The following DIXDC1 variants were observed in gnomAD, a reference collection of about 807,000 sequenced individuals.
The protein encoded by DIXDC1 is dixin.
DIXDC1 carries 64 observed loss-of-function variants against 103.1 expected under a neutral mutation model. The ratio of observed to expected loss-of-function variants is 0.62; its 90% CI spans 0.51 to 0.76. The LOEUF (loss-of-function observed/expected upper bound fraction) is 0.76, where lower values mean the gene tolerates loss of function less well. Ranked by LOEUF, DIXDC1 falls within the 30% of genes least tolerant of loss-of-function variation. The probability of loss-of-function intolerance (pLI) is 0.00; values close to 1 mark genes in which losing one functional copy is unlikely to be tolerated. For synonymous variants in DIXDC1, 266 were observed against 298.5 expected (o/e 0.89, Z 1.12); for missense variants, 759 against 834.2 (o/e 0.91, Z 1.11).
intron 5 of DIXDC1, among the ~76,000 whole-genome samples, chr11:111,980,157 G>A (rs1034559496): frequency 3.3e-5 from 5 of 151,890 alleles, no homozygotes; most frequent in Admixed American, 2.0e-4. Flanking sequence ...ATATATAACC[G>A]CTCCTCTGCC....
chr11:111,993,821 G>A (rs1365036139), intron 14 of DIXDC1, 81 bp downstream of exon 14: 20 of 1,503,646 alleles, frequency 1.3e-5, no homozygotes, highest in Middle Eastern at 1.9e-4. Flanking sequence ...GCTGAACCAA[G>A]GCCACAGGCT....
chr11:111,992,329 A>T (rs1232757496), intron 10 of DIXDC1, 86 bp from the exon 11 acceptor site: 2 of 1,213,848 alleles, frequency 1.6e-6, no homozygotes, highest in Non-Finnish European at 2.3e-6. Context: ...AATGCTGGAA[A>T]CACATTAAAG....
intron 1 of DIXDC1, among the ~76,000 whole-genome samples, chr11:111,948,081 C>G (rs1235577648): frequency 3.3e-5 from 5 of 152,192 alleles, no homozygotes; most frequent in African/African-American, 9.6e-5. Flanking sequence ...GTCTCTAACA[C>G]TCTCTAGACA....
chr11:111,954,337 G>A (rs587747958), intron 1 of DIXDC1, among the ~76,000 whole-genome samples: 244 of 152,206 alleles, frequency 1.6e-3, no homozygotes, highest in African/African-American at 5.5e-3. Context: ...TAATCCCACC[G>A]CTGATCTGAA....
intron 17 of DIXDC1, among the ~76,000 whole-genome samples, chr11:111,997,397 G>A (rs1016252700): frequency 3.3e-5 from 5 of 151,964 alleles, no homozygotes; most frequent in East Asian, 1.9e-4. Flanking sequence ...GTGCAGTGGC[G>A]CAATCTCTGT....
chr11:112,019,073 C>A lies in DIXDC1; in HGVS notation c.*37C>A. 1 of 1,555,638 alleles carries A rather than the reference C, an allele frequency of 6.4e-7. No individual in the cohort carries two copies. The highest frequency in any genetic ancestry group is 8.8e-7 in the Non-Finnish European group (1 of 1,132,570). On this transcript the variant is annotated 3_prime_UTR_variant, in exon 20 of 20. Transcript: ENST00000440460. ...AGATTGAGGGCTTATGGAACCTGGT[C>A]ACTCCCTGGCTGCTTCACTCAGGAA... is the stretch of plus-strand genomic sequence containing the variant.
intron 2 of DIXDC1, among the ~76,000 whole-genome samples, chr11:111,966,624 C>T (rs1555171582): frequency 1.3e-5 from 2 of 151,998 alleles, no homozygotes; most frequent in African/African-American, 2.4e-5. Flanking sequence ...AGGATGGTCT[C>T]GATCTCTTGA....
intron 19 of DIXDC1, among the ~76,000 whole-genome samples, chr11:112,018,455 TAGAG>T (rs1449490951): frequency 6.6e-6 from 1 of 152,218 alleles, no homozygotes; most frequent in Non-Finnish European, 1.5e-5. Flanking sequence ...AAAGTTATTA[TAGAG>T]AAAGTAAAAT....
intron 16 of DIXDC1, 24 bp downstream of exon 16, chr11:111,995,588 C>T (rs782447615): frequency 1.6e-5 from 26 of 1,610,032 alleles, no homozygotes; most frequent in Non-Finnish European, 2.2e-5. Context: ...TGTGGTATCT[C>T]TCTTAGGCAA....
intron 14 of DIXDC1, 148 bp from the exon 15 acceptor site, chr11:111,994,871 A>G (rs1438685789): frequency 2.6e-6 from 2 of 757,150 alleles, no homozygotes; most frequent in African/African-American, 3.5e-5. Context: ...ATCTATACTT[A>G]AGAAAGATAC....
upstream of DIXDC1, among the ~76,000 whole-genome samples, chr11:111,935,395 C>G (rs78678559): frequency 0.042 from 6,367 of 152,324 alleles, 436 homozygotes; most frequent in African/African-American, 0.14. Flanking sequence ...ACTGAGCTCA[C>G]AGATCCTACT....
At chr11:111,973,324 A>T (rs1281181488) in intron 3 of DIXDC1, among the ~76,000 whole-genome samples, 2 of 152,028 alleles carry the variant, frequency 1.3e-5, no homozygotes, top group Non-Finnish European at 1.5e-5. Flanking sequence ...GTGAGCCAAG[A>T]TCACGCCATT....
chr11:111,941,858 A>G (rs1966428077), intron 1 of DIXDC1, among the ~76,000 whole-genome samples: 1 of 151,798 alleles, frequency 6.6e-6, no homozygotes, highest in South Asian at 2.1e-4. Context: ...ACACACACAC[A>G]CACACACACA....
intron 17 of DIXDC1, among the ~76,000 whole-genome samples, chr11:112,003,823 G>T (rs1555176257): frequency 6.6e-6 from 1 of 151,530 alleles, no homozygotes; most frequent in East Asian, 1.9e-4. Context: ...AAAGATAAAT[G>T]TTTGAGGTGA....
chr11:112,012,141 T>C (rs1861442342), intron 17 of DIXDC1, among the ~76,000 whole-genome samples: 1 of 152,230 alleles, frequency 6.6e-6, no homozygotes, highest in South Asian at 2.1e-4. Flanking sequence ...CCACAAATGA[T>C]CTATAGCTTC....
intron 1 of DIXDC1, among the ~76,000 whole-genome samples, chr11:111,939,057 A>G (rs1966323362): frequency 6.6e-6 from 1 of 152,214 alleles, no homozygotes; most frequent in East Asian, 1.9e-4. Context: ...CCTGGTCTTT[A>G]GCTGCGTAAG....
chr11:111,993,578 G>C lies in DIXDC1; in HGVS notation c.1355G>C (p.Ser452Thr), dbSNP rs1341039505. Reference protein sequence around the residue: ...EEALRKLSDVSYHQVDLEREL... With the variant: ...EEALRKLSDVTYHQVDLEREL... ...GCACTCCGGAAACTCTCTGATGTCA[G>C]TTACCACCAGGTCAGAACATATTCA... The change falls in exon 13 of 20, where the codon AGT becomes ACT. Residue 452 changes from serine (S) to threonine (T), a missense_variant. By Grantham distance (58) the Ser-to-Thr change is moderately conservative. Transcript: ENST00000440460. 8 of 1,613,914 alleles carry C rather than the reference G, an allele frequency of 5.0e-6. No individual in the cohort carries two copies. The highest frequency in any genetic ancestry group is 6.8e-6 in the Non-Finnish European group (8 of 1,179,902).
At chr11:111,967,754 C>T (rs1292628842) in intron 2 of DIXDC1, among the ~76,000 whole-genome samples, 15 of 152,208 alleles carry the variant, frequency 9.9e-5, no homozygotes, top group African/African-American at 1.4e-4. Flanking sequence ...CTTTTAAAAA[C>T]ATAAACCAGA....
At chr11:111,992,393 A>G in intron 10 of DIXDC1, 22 bp from the exon 11 acceptor site, 1 of 1,547,604 alleles carries the variant, frequency 6.5e-7, no homozygotes, top group South Asian at 1.2e-5. Flanking sequence ...GACAACAATA[A>G]TTAGTATGCT....
Sources: gnomAD v4.1 joint callset for allele counts (sites outside exome capture counted in the v4.1 genomes callset) on GRCh38, gnomAD v4.1.1 for gene constraint, MANE v1.5 for transcripts, NCBI Gene and HGNC (gene_info 2026-07-23, HGNC 2026-07-21) for gene names.